The following RBFOX3 variants were observed in gnomAD, a reference collection of about 807,000 sequenced individuals.
The protein encoded by RBFOX3 is RNA binding protein fox-1 homolog 3.
Under a neutral mutation model 48.7 loss-of-function variants are expected in RBFOX3, and 17 were observed. That is an observed-to-expected ratio of 0.35 (90% CI 0.24 to 0.52). The LOEUF (loss-of-function observed/expected upper bound fraction) is 0.52, where lower values mean the gene tolerates loss of function less well. Ranked by LOEUF, RBFOX3 falls within the 20% of genes least tolerant of loss-of-function variation. The pLI is 0.94. For missense variants in RBFOX3, 382 were observed against 497.5 expected, an observed-to-expected ratio of 0.77 and a Z score of 2.21; for synonymous variants, 212 against 209.5, an observed-to-expected ratio of 1.01 and a Z score of -0.10.
At chr17:79,441,273 G>A (rs2070857673) in intron 2 of RBFOX3, among the ~76,000 whole-genome samples, 1 of 152,216 alleles carries the variant, frequency 6.6e-6, no homozygotes, top group Admixed American at 6.5e-5. Context: ...CTTCCTCCCG[G>A]AGCCTCGGCC....
At chr17:79,626,332 A>T in the RBFOX3 span, among the ~76,000 whole-genome samples, 1 of 152,170 alleles carries the variant, frequency 6.6e-6, no homozygotes, top group South Asian at 2.1e-4. Flanking sequence ...TTGCTTATTA[A>T]CAAAAGAAAA....
rs2056277657 is a variant in RBFOX3, at chr17:79,199,024, T to G, written c.-34+36742A>C. On this transcript the variant is annotated intron_variant, in intron 4 of 14. Coordinates refer to ENST00000693108, the MANE Select transcript of RBFOX3 (RefSeq NM_001350451.2). This position sits in a 1 kb window ranked among gnomAD's most constrained non-coding sequence, Gnocchi z 5.1. ...TGAGTTTGTGAGGCTGAACATTGCCTGTAACTCAGTTGTGAGGCTGTTGAC... is the reference window on the plus strand; with the variant it reads ...TGAGTTTGTGAGGCTGAACATTGCCGGTAACTCAGTTGTGAGGCTGTTGAC... 6.6e-6 allele frequency among the ~76,000 whole-genome samples: 1 copy of G among 152,204 alleles called. No individual in the cohort carries two copies. The highest frequency in any genetic ancestry group is 6.5e-5 in the Admixed American group (1 of 15,278).
intron 2 of RBFOX3, among the ~76,000 whole-genome samples, chr17:79,429,061 C>G (rs1473620215): frequency 6.6e-6 from 1 of 152,236 alleles, no homozygotes; most frequent in Non-Finnish European, 1.5e-5. Context: ...TACCCAGAAC[C>G]TTTTCCTGCT....
intron 1 of RBFOX3, among the ~76,000 whole-genome samples, chr17:79,593,775 C>T (rs1568440669): frequency 1.3e-5 from 2 of 152,206 alleles, no homozygotes; most frequent in South Asian, 2.1e-4. Context: ...CCAGTTCAGG[C>T]CCTGGCCTCA....
chr17:79,652,186 C>G, the RBFOX3 span, among the ~76,000 whole-genome samples: 5 of 152,032 alleles, frequency 3.3e-5, no homozygotes, highest in Non-Finnish European at 7.4e-5. Flanking sequence ...ATAACTAGTA[C>G]AAGTGTATGC....
At chr17:79,356,399 C>T (rs1171488276) in intron 2 of RBFOX3, among the ~76,000 whole-genome samples, 2 of 76,736 alleles carry the variant, frequency 2.6e-5, no homozygotes, top group Non-Finnish European at 4.9e-5. Context: ...GGAGGAGTCT[C>T]ACTCTGTCAC....
At chr17:79,175,864 A>T (rs951365084) in intron 4 of RBFOX3, among the ~76,000 whole-genome samples, 4 of 152,358 alleles carry the variant, frequency 2.6e-5, no homozygotes, top group Middle Eastern at 3.4e-3. Context: ...CCTGCCTCAG[A>T]GGCTTAGACA....
At chr17:79,133,401 A>G (rs1370283825) in intron 4 of RBFOX3, among the ~76,000 whole-genome samples, 1 of 150,020 alleles carries the variant, frequency 6.7e-6, no homozygotes, top group East Asian at 1.9e-4. Context: ...CTGAGCACCT[A>G]CTAGGTTTGC....
chr17:79,660,059 C>T, the RBFOX3 span, among the ~76,000 whole-genome samples: 27 of 152,150 alleles, frequency 1.8e-4, 1 homozygote, highest in South Asian at 5.4e-3. Context: ...TGGTGGCGGG[C>T]GCCTGTAATC....
At chr17:79,633,519 C>T in the RBFOX3 span, among the ~76,000 whole-genome samples, 12 of 152,194 alleles carry the variant, frequency 7.9e-5, no homozygotes, top group Non-Finnish European at 1.3e-4. Context: ...CACCTCCTCA[C>T]TGCCTGATCA....
intron 1 of RBFOX3, among the ~76,000 whole-genome samples, chr17:79,521,846 T>C (rs2086155862): frequency 6.6e-6 from 1 of 152,248 alleles, no homozygotes; most frequent in Non-Finnish European, 1.5e-5. Context: ...TTTTGCTAAA[T>C]AAATTTTATC....
intron 2 of RBFOX3, among the ~76,000 whole-genome samples, chr17:79,327,065 C>T (rs531628320): frequency 8.5e-5 from 13 of 152,342 alleles, no homozygotes; most frequent in African/African-American, 3.1e-4. Flanking sequence ...CTCTGCTTCC[C>T]AGCAGGCTGC....
the RBFOX3 span, among the ~76,000 whole-genome samples, chr17:79,627,759 G>C: frequency 6.6e-6 from 1 of 152,044 alleles, no homozygotes; most frequent in Non-Finnish European, 1.5e-5. Context: ...TCTCTGGGCA[G>C]CTCGTTTTTT....
intron 2 of RBFOX3, among the ~76,000 whole-genome samples, chr17:79,465,713 G>A (rs2076222553): frequency 6.6e-6 from 1 of 152,234 alleles, no homozygotes; most frequent in Admixed American, 6.5e-5. Context: ...GTCGGGGCCT[G>A]CCCTGGACCC....
chr17:79,385,850 C>T (rs956910481), intron 2 of RBFOX3, among the ~76,000 whole-genome samples: 6 of 151,386 alleles, frequency 4.0e-5, no homozygotes, highest in African/African-American at 1.5e-4. Context: ...CATCACCCTC[C>T]ATTGCAGACA....
chr17:79,663,116 G>T, the RBFOX3 span, among the ~76,000 whole-genome samples: 9 of 152,202 alleles, frequency 5.9e-5, no homozygotes, highest in Non-Finnish European at 1.0e-4. Context: ...TTAGTCTAAT[G>T]ATTAGTCTTG....
chr17:79,477,572 G>A lies in RBFOX3; in HGVS notation c.-175+4882C>T, dbSNP rs1188953790. Among the ~76,000 whole-genome samples the A allele has an allele frequency of 6.6e-6, 1 of 151,920 alleles. No individual in the cohort carries two copies. Among genetic ancestry groups the A allele is most frequent in the Non-Finnish European group, 1.5e-5 (1 of 67,978 alleles). ...CTCCGTCACCGGAAAAAAAAAAAGA[G>A]GAGGAGGAGTAGGAAAAAAGGGTGA... On this transcript the variant is annotated intron_variant, in intron 2 of 14. Transcript: ENST00000693108. This position sits in a 1 kb window ranked among gnomAD's most constrained non-coding sequence, Gnocchi z 4.8.
chr17:79,369,373 C>T (rs1003447131), intron 2 of RBFOX3, among the ~76,000 whole-genome samples: 1 of 150,238 alleles, frequency 6.7e-6, no homozygotes, highest in African/African-American at 2.4e-5. Context: ...TTGCCCTGGA[C>T]CCTGACCGTG....
In RBFOX3 at chr17:79,194,204, C is replaced by G. The variant is rs538706254; in HGVS notation, c.-34+41562G>C. Among the ~76,000 whole-genome samples the G allele has an allele frequency of 2.4e-3, 360 of 152,334 alleles. 1 individual carries two copies. Among genetic ancestry groups the G allele is most frequent in the African/African-American group, 8.2e-3 (341 of 41,560 alleles). ...GGTAGAAATGGACTTTGCCTCTGAT[C>G]TCCTCTGCAGCTCTTTAGGGCCTTA... is the stretch of plus-strand genomic sequence containing the variant. On this transcript the variant is annotated intron_variant, in intron 4 of 14. Coordinates refer to ENST00000693108, the MANE Select transcript of RBFOX3 (RefSeq NM_001350451.2).
Sources: allele counts gnomAD v4.1 joint callset (sites outside exome capture counted in the v4.1 genomes callset), GRCh38; gene constraint gnomAD v4.1.1; non-coding constraint Gnocchi (gnomAD v3.1); transcripts MANE v1.5; gene names NCBI Gene and HGNC (gene_info 2026-07-23, HGNC 2026-07-21).